Variants in SEC31B observed in about 807,000 individuals in gnomAD.
SEC31B encodes the protein SEC31 homolog B, COPII component, also known as protein transport protein Sec31B.
A neutral mutation model predicts 135.0 loss-of-function variants in SEC31B; 113 were observed. The ratio of observed to expected loss-of-function variants is 0.84; its 90% CI spans 0.72 to 0.98. SEC31B has a LOEUF of 0.98. SEC31B is among the 50% of genes least tolerant of loss of function. The pLI, the probability that SEC31B is intolerant of heterozygous loss-of-function variation, is 0.00. For synonymous variants in SEC31B, 508 were observed against 549.4 expected, an observed-to-expected ratio of 0.92 and a Z score of 1.05; for missense variants, 1,296 against 1,421.1, an observed-to-expected ratio of 0.91 and a Z score of 1.42.
rs1447149771 is a variant in SEC31B, at chr10:100,489,695, G to T, written c.3024+8C>A. 1 of 1,614,150 alleles carries T rather than the reference G, an allele frequency of 6.2e-7. No homozygotes were observed. The highest frequency in any genetic ancestry group is 8.5e-7 in the Non-Finnish European group (1 of 1,180,014). Reference sequence around the variant, plus strand: ...TGCGAGGGAGTGGGTAGGGAAAGATGCATTGACCTTGTTCCTCTGGAGGTT... The same window carrying T: ...TGCGAGGGAGTGGGTAGGGAAAGATTCATTGACCTTGTTCCTCTGGAGGTT... On this transcript the variant is annotated splice_region_variant and intron_variant, in intron 22 of 25. Coordinates refer to ENST00000370345, the MANE Select transcript of SEC31B (RefSeq NM_015490.4).
chr10:100,496,496 C>T lies in SEC31B; in HGVS notation c.2137-65G>A, dbSNP rs1851412152. Reference sequence around the variant, plus strand: ...GCATATCCTGCTCTCTAAGTCCACGCAGCTCATTCAGGGATCTCCCACTAT... The same window carrying T: ...GCATATCCTGCTCTCTAAGTCCACGTAGCTCATTCAGGGATCTCCCACTAT... On this transcript the variant is annotated intron_variant, in intron 17 of 25. Transcript: ENST00000370345. 44 of 1,544,540 alleles carry T rather than the reference C, an allele frequency of 2.8e-5. 1 individual carries two copies. The South Asian group carries it at 5.1e-4, about 18-fold the overall frequency.
intron 10 of SEC31B, among the ~76,000 whole-genome samples, chr10:100,503,051 GC>G (rs1298261719): frequency 2.6e-5 from 4 of 152,146 alleles, no homozygotes; most frequent in Non-Finnish European, 5.9e-5. Flanking sequence ...TTCCTGCAGT[GC>G]ACAAACCTCT....
In SEC31B at chr10:100,498,059, G is replaced by C. The variant is rs745723722; in HGVS notation, c.1833C>G (p.Tyr611Ter). 7 of 1,614,080 alleles carry C rather than the reference G, an allele frequency of 4.3e-6. No homozygotes were observed. The African/African-American group carries it at 9.3e-5, about 22-fold the overall frequency. ...TDLLKQTQER[Y>*]LAKKKTKISS... ...AGATTTTGGTTTTCTTCTTGGCCAA[G>C]TAGCGCTCCTGTGTTTGCTTCAGCA... Residue 611 changes from tyrosine (Y) to a stop codon, truncating the protein, a stop_gained, in exon 15 of 26, where the codon TAC (tyrosine) becomes TAG (stop). Transcript: ENST00000370345. LOFTEE classifies it high-confidence loss of function.
intron 3 of SEC31B, among the ~76,000 whole-genome samples, chr10:100,509,885 C>A (rs1038223032): frequency 2.0e-5 from 3 of 152,106 alleles, no homozygotes; most frequent in Non-Finnish European, 4.4e-5. Flanking sequence ...TAATAGCAAC[C>A]ACTTACACTG....
At chr10:100,487,828 C>A in intron 25 of SEC31B, 33 bp from the exon 26 acceptor site, 2 of 1,611,458 alleles carry the variant, frequency 1.2e-6, no homozygotes, top group Non-Finnish European at 8.5e-7. Flanking sequence ...GTTAGTGAGC[C>A]CAACCCAGCT....
intron 3 of SEC31B, among the ~76,000 whole-genome samples, chr10:100,514,646 T>C (rs976327824): frequency 6.6e-6 from 1 of 152,066 alleles, no homozygotes; most frequent in Non-Finnish European, 1.5e-5. Context: ...CTTTTCATTA[T>C]GAAGTTAAAC....
intron 24 of SEC31B, 78 bp downstream of exon 24, chr10:100,488,780 G>A (rs1203432079): frequency 6.7e-7 from 1 of 1,484,110 alleles, no homozygotes; most frequent in Non-Finnish European, 9.0e-7. Flanking sequence ...AGTCACACAA[G>A]GAACTGGTCC....
Position 100,511,480 on chromosome 10 carries a change from G to C in SEC31B, c.204-1969C>G, listed in dbSNP as rs528913161. Among the ~76,000 whole-genome samples the C allele has an allele frequency of 4.6e-5, 7 of 152,330 alleles. No homozygotes were observed. In the East Asian group the frequency reaches 1.3e-3, roughly 29 times the overall value. ...AAATAAGAAGTTGAAAAACAAAAAG[G>C]GTGGTCTAGCTGGGCACAGTGGCTC... On this transcript the variant is annotated intron_variant, in intron 3 of 25. Transcript: ENST00000370345.
At chr10:100,508,603 G>T in intron 5 of SEC31B, 1 of 433,474 alleles carries the variant, frequency 2.3e-6, no homozygotes, top group Non-Finnish European at 4.5e-6. Context: ...GGAGAACAAA[G>T]CTGACCCCCC....
At chr10:100,512,844 C>T (rs1380145666) in intron 3 of SEC31B, among the ~76,000 whole-genome samples, 1 of 152,210 alleles carries the variant, frequency 6.6e-6, no homozygotes, top group African/African-American at 2.4e-5. Context: ...TAGAAGTTAT[C>T]TGGTACAATC....
chr10:100,502,199 G>T, intron 11 of SEC31B, 55 bp downstream of exon 11: 1 of 1,370,766 alleles, frequency 7.3e-7, no homozygotes, highest in Non-Finnish European at 1.0e-6. Flanking sequence ...GACAGAGGTT[G>T]GAGTTCCAGG....
At chr10:100,497,338 C>T (rs1420714979) in intron 16 of SEC31B, 58 bp from the exon 17 acceptor site, 2 of 1,596,012 alleles carry the variant, frequency 1.3e-6, no homozygotes, top group Admixed American at 1.7e-5. Context: ...CTCTCCTTCT[C>T]CTGTTTGGAA....
intron 3 of SEC31B, among the ~76,000 whole-genome samples, chr10:100,512,253 C>G (rs1354320592): frequency 2.0e-5 from 3 of 152,158 alleles, no homozygotes; most frequent in Non-Finnish European, 4.4e-5. Flanking sequence ...GGGGGCCACT[C>G]CAGAGAGCTA....
intron 10 of SEC31B, among the ~76,000 whole-genome samples, chr10:100,502,841 T>C (rs1358761347): frequency 6.6e-6 from 1 of 152,210 alleles, no homozygotes; most frequent in Non-Finnish European, 1.5e-5. Flanking sequence ...CCTATTCTTG[T>C]TCACTGTCTT....
At chr10:100,512,543 G>A (rs1236989798) in intron 3 of SEC31B, among the ~76,000 whole-genome samples, 2 of 152,042 alleles carry the variant, frequency 1.3e-5, no homozygotes, top group African/African-American at 2.4e-5. Context: ...TACCCATACT[G>A]GTGTTTCAGA....
At chr10:100,502,175 C>T in intron 11 of SEC31B, 79 bp downstream of exon 11, 1 of 1,101,656 alleles carries the variant, frequency 9.1e-7, no homozygotes, top group Non-Finnish European at 1.3e-6. Context: ...TGTGCTTGTG[C>T]TTCTCCTGCA....
chr10:100,488,156 C>T lies in SEC31B; in HGVS notation c.3289-58G>A. The T allele has an allele frequency of 2.0e-6, 3 of 1,472,864 alleles. No individual in the cohort carries two copies. The East Asian group carries it at 6.8e-5, about 33-fold the overall frequency. The allele number at this position is 1,472,864 out of a possible 1,614,324, so 91.2% of individuals were successfully genotyped here. ...CCCTAAGTCTAACACCACACAGGGC[C>T]ATAAAGAATCACAGCATATTAGGCC... On this transcript the variant is annotated intron_variant, in intron 24 of 25. Coordinates refer to ENST00000370345, the MANE Select transcript of SEC31B (RefSeq NM_015490.4).
intron 19 of SEC31B, among the ~76,000 whole-genome samples, chr10:100,492,233 A>AT (rs1325763165): frequency 2.6e-5 from 4 of 152,104 alleles, no homozygotes; most frequent in East Asian, 1.9e-4. Context: ...CTATTTATTT[A>AT]TTTTTTTTGA....
intron 11 of SEC31B, chr10:100,501,773 C>T (rs958658764): frequency 3.7e-5 from 6 of 162,590 alleles, no homozygotes; most frequent in Admixed American, 2.9e-4. Flanking sequence ...CTCCAGTGTA[C>T]AGTGGCACCT....
Sources: gnomAD v4.1 joint callset for allele counts (sites outside exome capture counted in the v4.1 genomes callset) on GRCh38, gnomAD v4.1.1 for gene constraint, MANE v1.5 for transcripts, NCBI Gene and HGNC (gene_info 2026-07-23, HGNC 2026-07-21) for gene names.